BMP2K: variants seen among roughly 807,000 people sequenced by gnomAD.
BMP2K encodes the protein BMP2 inducible kinase.
A neutral mutation model predicts 116.0 loss-of-function variants in BMP2K; 74 were observed. That is an observed-to-expected ratio of 0.64 (90% CI 0.53 to 0.77). The LOEUF is 0.77. Among genes scored for constraint, BMP2K ranks in the 30% least tolerant of loss-of-function variants. The pLI is 0.00. For synonymous variants in BMP2K, 486 were observed against 502.5 expected, an observed-to-expected ratio of 0.97 and a Z score of 0.44; for missense variants, 1,365 against 1,403.6, an observed-to-expected ratio of 0.97 and a Z score of 0.44.
chr4:78,798,231 G>A (rs1248711473), intron 1 of BMP2K, among the ~76,000 whole-genome samples: 1 of 152,212 alleles, frequency 6.6e-6, no homozygotes, highest in Non-Finnish European at 1.5e-5. Context: ...TCAAGTGCCA[G>A]TAAGTCAGGT....
At position 78,871,968 on chromosome 4, in the gene BMP2K, G is replaced by A. The variant is rs369789800; in HGVS notation, c.1608+20G>A. The A allele has an allele frequency of 6.6e-7, 1 of 1,519,772 alleles. No homozygotes were observed. Among genetic ancestry groups the A allele is most frequent in the African/African-American group, 1.4e-5 (1 of 72,326 alleles). 94.1% of individuals were successfully genotyped at this position (1,519,772 alleles called of 1,614,324 possible). ...ACAATGGTAACTTAAATAATTTCTA[G>A]AGATTTCTCTGAGTATACATTATGG... On this transcript the variant is annotated intron_variant, in intron 12 of 15. Transcript: ENST00000502613.
intron 7 of BMP2K, among the ~76,000 whole-genome samples, chr4:78,852,585 T>A (rs190201284): frequency 2.0e-5 from 3 of 152,240 alleles, no homozygotes; most frequent in Admixed American, 1.3e-4. Flanking sequence ...AACATTTAGA[T>A]TCTTTGCAAT....
chr4:78,879,694 C>T (rs541513361), intron 14 of BMP2K: 1 of 152,342 alleles, frequency 6.6e-6, no homozygotes, highest in East Asian at 1.9e-4. Context: ...GTGTGTTTTC[C>T]CCTTTTGCAT....
chr4:78,861,492 G>C (rs1731787855), intron 9 of BMP2K, 24 bp downstream of exon 9: 2 of 1,562,082 alleles, frequency 1.3e-6, no homozygotes, highest in Admixed American at 1.8e-5. Context: ...TGCTGAAATT[G>C]AAAAGGCATT....
intron 1 of BMP2K, among the ~76,000 whole-genome samples, chr4:78,780,449 T>C (rs1271376635): frequency 6.6e-6 from 1 of 152,210 alleles, no homozygotes; most frequent in East Asian, 1.9e-4. Context: ...TTAGATAAGC[T>C]AAGTATTAGC....
At chr4:78,788,682 T>C (rs71612953) in intron 1 of BMP2K, among the ~76,000 whole-genome samples, 5 of 150,306 alleles carry the variant, frequency 3.3e-5, no homozygotes, top group Non-Finnish European at 7.4e-5. Context: ...TTTAGAAATA[T>C]TGCAAACTCA....
intron 15 of BMP2K, among the ~76,000 whole-genome samples, chr4:78,904,490 C>T (rs961571244): frequency 6.6e-6 from 1 of 151,882 alleles, no homozygotes; most frequent in Admixed American, 6.6e-5. Context: ...AGACTGTTTA[C>T]AAGCCACACA....
intron 10 of BMP2K, among the ~76,000 whole-genome samples, chr4:78,869,175 C>T (rs1732210688): frequency 6.6e-6 from 1 of 152,202 alleles, no homozygotes; most frequent in African/African-American, 2.4e-5. Context: ...TCCCAAACCT[C>T]AGTTCTTGAC....
intron 15 of BMP2K, among the ~76,000 whole-genome samples, chr4:78,890,840 G>T (rs1381754266): frequency 1.3e-5 from 2 of 152,030 alleles, no homozygotes; most frequent in African/African-American, 4.8e-5. Flanking sequence ...TTCTTGGTTT[G>T]TTAGTAAAGC....
At position 78,850,947 on chromosome 4, in the gene BMP2K, A is replaced by G; in HGVS notation, c.774A>G (p.Lys258=). 1 of 1,612,090 alleles carries G rather than the reference A, an allele frequency of 6.2e-7. No individual in the cohort carries two copies. Among genetic ancestry groups the G allele is most frequent in the Admixed American group, 1.7e-5 (1 of 59,836 alleles). The change falls in exon 7 of 16, where the codon AAA becomes AAG. Residue 258 remains lysine, a synonymous_variant. Transcript: ENST00000502613. ...AGGCACTGGGATGTCTACTCTATAA[A>G]CTTTGTTTCTTCACTCTTCCTTTTG... is the stretch of plus-strand genomic sequence containing the variant. ...DIWALGCLLY[K]LCFFTLPFGE...
At position 78,911,637 on chromosome 4, in the gene BMP2K, A is replaced by G; in HGVS notation, c.3090A>G (p.Gln1030=). ...RHKKVGRRDS[Q]SSNEFLTISD... ...AAAAAGTGGGCCGCCGAGACTCTCAAAGTAGCAATGAATTTTTAACCATCT... is the reference window on the plus strand; with the variant it reads ...AAAAAGTGGGCCGCCGAGACTCTCAGAGTAGCAATGAATTTTTAACCATCT... Residue 1030 remains glutamine (Q), a synonymous_variant, in exon 16 of 16, where the codon CAA becomes CAG. Coordinates refer to ENST00000502613, the MANE Select transcript of BMP2K (RefSeq NM_198892.2). 1 of 1,614,004 alleles carries G rather than the reference A, an allele frequency of 6.2e-7. No homozygotes were observed. The highest frequency in any genetic ancestry group is 1.7e-5 in the Admixed American group (1 of 60,028).
chr4:78,897,194 T>C (rs1232055570), intron 15 of BMP2K, among the ~76,000 whole-genome samples: 1 of 141,608 alleles, frequency 7.1e-6, no homozygotes, highest in Non-Finnish European at 1.5e-5. Flanking sequence ...AATGTTTTTT[T>C]GATTTTTTTA....
intron 4 of BMP2K, among the ~76,000 whole-genome samples, chr4:78,842,957 A>G (rs577731099): frequency 2.0e-5 from 3 of 151,742 alleles, no homozygotes; most frequent in Admixed American, 6.6e-5. Flanking sequence ...CTCTTTTTCT[A>G]TTTCTTTATA....
intron 4 of BMP2K, among the ~76,000 whole-genome samples, chr4:78,843,408 A>T (rs184953950): frequency 6.6e-6 from 1 of 150,562 alleles, no homozygotes; most frequent in South Asian, 2.1e-4. Context: ...TGTAAGCTCC[A>T]TGAGGGCCAG....
chr4:78,859,526 CT>C, intron 7 of BMP2K, 57 bp from the exon 8 acceptor site: 1 of 1,121,354 alleles, frequency 8.9e-7, no homozygotes, highest in Non-Finnish European at 1.3e-6. Flanking sequence ...TAATGTGCCC[CT>C]AAGTAGTATA....
chr4:78,857,520 G>T (rs1731560044), intron 7 of BMP2K, among the ~76,000 whole-genome samples: 1 of 152,010 alleles, frequency 6.6e-6, no homozygotes, highest in Admixed American at 6.6e-5. Flanking sequence ...ACAAAACAAA[G>T]AAAAACAAGG....
At chr4:78,903,693 T>C (rs1010793890) in intron 15 of BMP2K, among the ~76,000 whole-genome samples, 1 of 151,848 alleles carries the variant, frequency 6.6e-6, no homozygotes, top group African/African-American at 2.4e-5. Flanking sequence ...TACAGAATAT[T>C]AAAAAAAATT....
At chr4:78,803,970 A>G (rs1158163351) in intron 1 of BMP2K, among the ~76,000 whole-genome samples, 4 of 152,228 alleles carry the variant, frequency 2.6e-5, no homozygotes, top group African/African-American at 7.2e-5. Flanking sequence ...TTATTGAGAC[A>G]TAATTAACAT....
intron 1 of BMP2K, 70 bp from the exon 2 acceptor site, chr4:78,825,967 A>G: frequency 7.8e-6 from 9 of 1,161,044 alleles, no homozygotes; most frequent in Non-Finnish European, 1.2e-5. Context: ...AATATGCTCT[A>G]TGATTATATT....
Sources: gnomAD v4.1 joint callset for allele counts (sites outside exome capture counted in the v4.1 genomes callset) on GRCh38, gnomAD v4.1.1 for gene constraint, MANE v1.5 for transcripts, NCBI Gene and HGNC (gene_info 2026-07-23, HGNC 2026-07-21) for gene names.